HSPA12A: variants seen among roughly 807,000 people sequenced by gnomAD.
The protein encoded by HSPA12A is heat shock 70 kDa protein 12A.
In HSPA12A, 28 loss-of-function variants were observed where a neutral mutation model predicts 69.2. The ratio of observed to expected loss-of-function variants is 0.40; its 90% CI spans 0.30 to 0.55. The LOEUF (loss-of-function observed/expected upper bound fraction) is 0.55, where lower values mean the gene tolerates loss of function less well. HSPA12A is among the 20% of genes least tolerant of loss of function. The pLI is 0.38. For missense variants in HSPA12A, 686 were observed against 900.7 expected, an observed-to-expected ratio of 0.76 and a Z score of 3.05; for synonymous variants, 345 against 370.5, an observed-to-expected ratio of 0.93 and a Z score of 0.79.
At chr10:116,847,860 A>T (rs1406157590) in intron 1 of HSPA12A, among the ~76,000 whole-genome samples, 1 of 152,204 alleles carries the variant, frequency 6.6e-6, no homozygotes. Context: ...TTGAGATGTC[A>T]AATGAATCAA....
chr10:116,843,428 C>T (rs1845833848), intron 1 of HSPA12A, among the ~76,000 whole-genome samples: 1 of 152,184 alleles, frequency 6.6e-6, no homozygotes, highest in African/African-American at 2.4e-5. Context: ...CATAACACCA[C>T]CATTTACTGT....
At chr10:116,755,135 A>G (rs10886008) in intron 2 of HSPA12A, among the ~76,000 whole-genome samples, 130,384 of 151,954 alleles carry the variant, frequency 0.86, 56,972 homozygotes, top group Non-Finnish European at 0.94. Flanking sequence ...TGTATATTTA[A>G]TAGAGATGAG....
chr10:116,737,057 C>T (rs1467621180), intron 1 of HSPA12A, among the ~76,000 whole-genome samples: 1 of 152,164 alleles, frequency 6.6e-6, no homozygotes, highest in African/African-American at 2.4e-5. Context: ...TCATTTAATT[C>T]TCATAAAGGC....
At chr10:116,840,570 G>A (rs564268894) in intron 1 of HSPA12A, among the ~76,000 whole-genome samples, 1 of 152,274 alleles carries the variant, frequency 6.6e-6, no homozygotes, top group South Asian at 2.1e-4. Context: ...GTTCAGGTCA[G>A]GTCCATGGTT....
In HSPA12A at chr10:116,679,485, G is replaced by C. The variant is rs550568601; in HGVS notation, c.1286+18C>G. 2.3e-5 allele frequency: 37 copies of C among 1,609,910 alleles called. No homozygotes were observed. Among genetic ancestry groups the C allele is most frequent in the Non-Finnish European group, 3.1e-5 (37 of 1,177,462 alleles). ...CCCGCTAGAATGTCCAGAGCCCGAG[G>C]TGATGAGCCCAACTCACTTGCTTTT... On this transcript the variant is annotated intron_variant, in intron 10 of 11. Coordinates refer to ENST00000369209, the MANE Select transcript of HSPA12A (RefSeq NM_025015.3).
chr10:116,845,086 C>T (rs753139625), intron 1 of HSPA12A, among the ~76,000 whole-genome samples: 83 of 152,202 alleles, frequency 5.5e-4, no homozygotes, highest in Non-Finnish European at 9.0e-4. Flanking sequence ...AAAAAGGCCA[C>T]CAGGAAGCCC....
chr10:116,707,089 G>A, intron 2 of HSPA12A, 111 bp downstream of exon 2: 1 of 858,018 alleles, frequency 1.2e-6, no homozygotes, highest in South Asian at 1.8e-5. Context: ...AGCCTGAACT[G>A]TGAGATCAGA....
At chr10:116,838,650 T>G (rs1018480288) in intron 1 of HSPA12A, among the ~76,000 whole-genome samples, 5 of 152,242 alleles carry the variant, frequency 3.3e-5, no homozygotes, top group Non-Finnish European at 7.3e-5. Flanking sequence ...TAGCACATTT[T>G]AAACCATCTG....
chr10:116,780,362 ATTATT>A (rs1240981976), intron 2 of HSPA12A, among the ~76,000 whole-genome samples: 5 of 151,260 alleles, frequency 3.3e-5, no homozygotes, highest in Non-Finnish European at 5.9e-5. Flanking sequence ...AATAATTATT[ATTATT>A]TTGAGACAAG....
At chr10:116,677,702 G>A (rs147483990) in intron 10 of HSPA12A, among the ~76,000 whole-genome samples, 37 of 152,286 alleles carry the variant, frequency 2.4e-4, no homozygotes, top group African/African-American at 8.9e-4. Context: ...TTCCAGGCCT[G>A]GGGTAGGGAA....
At chr10:116,762,603 A>G (rs1843995177) in intron 2 of HSPA12A, among the ~76,000 whole-genome samples, 1 of 151,898 alleles carries the variant, frequency 6.6e-6, no homozygotes, top group Non-Finnish European at 1.5e-5. Context: ...TATTTTTTTG[A>G]GACAGAGTTT....
At position 116,823,382 on chromosome 10, in the gene HSPA12A, T is replaced by G. The variant is rs565117077; in HGVS notation, c.91+11553A>C. 2.6e-5 allele frequency among the ~76,000 whole-genome samples: 4 copies of G among 152,264 alleles called. No homozygotes were observed. In the South Asian group the frequency reaches 8.3e-4, roughly 32 times the overall value. On this transcript the variant is annotated intron_variant, in intron 2 of 12. Coordinates refer to the HSPA12A transcript ENST00000635765. ...AATGGCAATGCCCCCCCAAATGATC[T>G]ACAGTCTCAACATGATCCCTGCATT...
intron 1 of HSPA12A, among the ~76,000 whole-genome samples, chr10:116,720,207 G>A (rs2133022332): frequency 6.6e-6 from 1 of 152,324 alleles, no homozygotes; most frequent in South Asian, 2.1e-4. Context: ...GCCTTCAGGA[G>A]CCCAGCCTCG....
At chr10:116,773,367 C>T (rs905535976) in intron 2 of HSPA12A, among the ~76,000 whole-genome samples, 12 of 152,276 alleles carry the variant, frequency 7.9e-5, no homozygotes, top group African/African-American at 2.7e-4. Context: ...GAACCCTCAG[C>T]TCTGGTCTGG....
chr10:116,790,772 C>A (rs1272262567), intron 2 of HSPA12A, among the ~76,000 whole-genome samples: 5 of 152,086 alleles, frequency 3.3e-5, no homozygotes, highest in South Asian at 2.1e-4. Context: ...CTCACTGCAA[C>A]CTTTGCCTCC....
chr10:116,675,407 G>C lies in HSPA12A; in HGVS notation c.1402C>G (p.Gln468Glu), dbSNP rs1554877552. 4 of 1,592,910 alleles carry C rather than the reference G, an allele frequency of 2.5e-6. No homozygotes were observed. Among genetic ancestry groups the C allele is most frequent in the Non-Finnish European group, 3.4e-6 (4 of 1,169,902 alleles). The stretch of plus-strand genomic sequence containing the variant: ...TTGACGGTGGACACCTCGGGCTTCT[G>C]AAACAGGTCCCCTGGAAGGGAAGAG... ...SIIEHLRDLF[Q>E]KPEVSTVKFL... Residue 468 changes from glutamine (Q) to glutamate (E), a missense_variant, in exon 12 of 12, where the codon CAG (glutamine) becomes GAG (glutamate). Gln to Glu is a conservative substitution (Grantham distance 29). Transcript: ENST00000369209. This position sits in a 1 kb window ranked among gnomAD's most constrained non-coding sequence, Gnocchi z 5.2.
chr10:116,707,389 T>G, intron 1 of HSPA12A, 104 bp from the exon 2 acceptor site: 1 of 881,496 alleles, frequency 1.1e-6, no homozygotes, highest in Non-Finnish European at 1.8e-6. Flanking sequence ...CTGCGGCCTC[T>G]GCAAAGCCAG....
At chr10:116,714,495 T>G (rs1351531436) in intron 1 of HSPA12A, among the ~76,000 whole-genome samples, 2 of 152,184 alleles carry the variant, frequency 1.3e-5, no homozygotes, top group African/African-American at 4.8e-5. Flanking sequence ...AAGTCACCAC[T>G]ACAGCCTTGG....
At chr10:116,759,908 T>C (rs1589689718) in intron 2 of HSPA12A, among the ~76,000 whole-genome samples, 1 of 152,242 alleles carries the variant, frequency 6.6e-6, no homozygotes, top group East Asian at 1.9e-4. Flanking sequence ...GAACAAGTTC[T>C]GTTCTCTTGT....
Sources: gnomAD v4.1 joint callset for allele counts (sites outside exome capture counted in the v4.1 genomes callset) on GRCh38, gnomAD v4.1.1 for gene constraint, Gnocchi (gnomAD v3.1) non-coding constraint, MANE v1.5 for transcripts, NCBI Gene and HGNC (gene_info 2026-07-23, HGNC 2026-07-21) for gene names.